The following PRRC2B variants were observed in gnomAD, a reference collection of about 807,000 sequenced individuals.
PRRC2B encodes the protein protein PRRC2B.
Under a neutral mutation model 242.3 loss-of-function variants are expected in PRRC2B, and 68 were observed. The ratio of observed to expected loss-of-function variants is 0.28; its 90% CI spans 0.23 to 0.34. PRRC2B has a LOEUF of 0.34. Among genes scored for constraint, PRRC2B ranks in the 10% least tolerant of loss-of-function variants. PRRC2B has a pLI of 1.00. For missense variants in PRRC2B, 2,835 were observed against 2,954.8 expected, an observed-to-expected ratio of 0.96 and a Z score of 0.94; for synonymous variants, 1,228 against 1,173.6, an observed-to-expected ratio of 1.05 and a Z score of -0.95.
chr9:131,396,325 CTT>C (rs1165485887), intron 1 of PRRC2B, among the ~76,000 whole-genome samples: 6 of 132,930 alleles, frequency 4.5e-5, no homozygotes, highest in African/African-American at 8.9e-5. Flanking sequence ...CTTTTCTTTT[CTT>C]TTTTTTTTTT....
chr9:131,379,996 ATT>A (rs367676624), intron 1 of PRRC2B, among the ~76,000 whole-genome samples: 11 of 124,800 alleles, frequency 8.8e-5, no homozygotes, highest in African/African-American at 3.2e-4. Flanking sequence ...ATATATAATA[ATT>A]TTTTTTTTTT....
chr9:131,482,714 C>T lies in PRRC2B; in HGVS notation c.5180C>T (p.Ser1727Leu). 2 of 1,568,492 alleles carry T rather than the reference C, an allele frequency of 1.3e-6. No individual in the cohort carries two copies. Among genetic ancestry groups the T allele is most frequent in the Non-Finnish European group, 1.7e-6 (2 of 1,158,694 alleles). The part of the protein sequence containing the change: ...QAPKPSEQKD[S>L]EQGSGQSKEH... ...CCTCTCTGCTTTTTTATCAAGGATTCAGAACAAGGCTCTGGACAGAGCAAG... is the reference window on the plus strand; with the variant it reads ...CCTCTCTGCTTTTTTATCAAGGATTTAGAACAAGGCTCTGGACAGAGCAAG... The change falls in exon 22 of 32, where the codon TCA becomes TTA. Residue 1727 changes from serine to leucine, a missense_variant. Ser to Leu is a moderately radical substitution (Grantham distance 145). Transcript: ENST00000683519. The surrounding 1 kb of genome is among the most constrained non-coding windows in gnomAD (Gnocchi z 5.2).
At chr9:131,493,642 T>C (rs1213447378) in intron 30 of PRRC2B, among the ~76,000 whole-genome samples, 1 of 152,068 alleles carries the variant, frequency 6.6e-6, no homozygotes, top group African/African-American at 2.4e-5. Context: ...TTTAGGGGGG[T>C]TGGGGAAATT....
chr9:131,394,559 C>T (rs1201927841), intron 1 of PRRC2B, among the ~76,000 whole-genome samples: 3 of 149,864 alleles, frequency 2.0e-5, no homozygotes, highest in Admixed American at 6.6e-5. Context: ...CGCGCGACTC[C>T]CTCAGGGCTC....
rs7874882 is a variant in PRRC2B, at chr9:131,476,044, A to T, written c.3915A>T (p.Pro1305=). 1 of 1,605,652 alleles carries T rather than the reference A, an allele frequency of 6.2e-7. No individual in the cohort carries two copies. Among genetic ancestry groups the T allele is most frequent in the South Asian group, 1.1e-5 (1 of 90,812 alleles). Residue 1305 remains proline (P), a synonymous_variant, in exon 16 of 32, where the codon CCA becomes CCT. Transcript: ENST00000683519. ...ENRPFRRRRP[P]RQDKPPRFRR... The stretch of plus-strand genomic sequence containing the variant: ...GGCCCTTCAGGAGAAGGCGCCCCCC[A>T]CGCCAAGATAAGCCCCCTCGATTCC...
chr9:131,393,405 TAA>T (rs1247392823), upstream of PRRC2B, among the ~76,000 whole-genome samples: 2 of 151,870 alleles, frequency 1.3e-5, no homozygotes, highest in African/African-American at 2.4e-5. Flanking sequence ...ACCACGGAGG[TAA>T]CCAAGACAGG....
chr9:131,379,971 A>G (rs72770772), intron 1 of PRRC2B, among the ~76,000 whole-genome samples: 2,868 of 146,676 alleles, frequency 0.02, 24 homozygotes, highest in Non-Finnish European at 0.033. Context: ...CTTGAGTTGT[A>G]AGAGTTATTT....
chr9:131,471,087 C>T (rs1943533287), intron 14 of PRRC2B, 104 bp downstream of exon 14: 2 of 777,140 alleles, frequency 2.6e-6, no homozygotes, highest in South Asian at 1.9e-5. Flanking sequence ...TTTGGTCTGG[C>T]TCTTTGTCAA....
chr9:131,430,406 C>T, intron 2 of PRRC2B, 147 bp downstream of exon 2: 1 of 556,198 alleles, frequency 1.8e-6, no homozygotes, highest in African/African-American at 1.9e-5. Flanking sequence ...CTACTTCCTA[C>T]TTGAGGTATG....
At chr9:131,443,851 G>C (rs1468771590) in intron 5 of PRRC2B, among the ~76,000 whole-genome samples, 1 of 152,212 alleles carries the variant, frequency 6.6e-6, no homozygotes, top group Non-Finnish European at 1.5e-5. Context: ...TTTTATAGGA[G>C]GCTGTGCTTG....
intron 12 of PRRC2B, among the ~76,000 whole-genome samples, chr9:131,466,115 T>C (rs1374282829): frequency 6.6e-6 from 1 of 152,268 alleles, no homozygotes; most frequent in African/African-American, 2.4e-5. Context: ...AGCTGTTTTC[T>C]TTATAATTTT....
rs571367891 is a variant in PRRC2B, at chr9:131,476,088, G to A, written c.3959G>A (p.Arg1320Gln). 22 of 1,608,600 alleles carry A rather than the reference G, an allele frequency of 1.4e-5. No individual in the cohort carries two copies. Among genetic ancestry groups the A allele is most frequent in the South Asian group, 7.7e-5 (7 of 90,946 alleles). ...PPRFRRLRQE[R>Q]ESLGLWGPEE... ...CGATTCCGGCGCCTCCGGCAAGAGC[G>A]GGAGTCCCTGGGCCTGTGGGGACCC... The change falls in exon 16 of 32, where the codon CGG becomes CAG. Residue 1320 changes from arginine to glutamine, a missense_variant. Physicochemically the swap from Arg to Gln is conservative, Grantham distance 43. Transcript: ENST00000683519.
chr9:131,444,211 T>C lies in PRRC2B; in HGVS notation c.496T>C (p.Ser166Pro), dbSNP rs180921892. 8.1e-6 allele frequency: 13 copies of C among 1,614,010 alleles called. No individual in the cohort carries two copies. The highest frequency in any genetic ancestry group is 4.5e-5 in the East Asian group (2 of 44,886). Residue 166 changes from serine (S) to proline (P), a missense_variant, in exon 6 of 32, where the codon TCC becomes CCC. Physicochemically the swap from Ser to Pro is moderately conservative, Grantham distance 74. Transcript: ENST00000683519. ...GGLRGSSRLL[S>P]FSPEEFPTLK... ...TTTAAGGGGCTCAAGCCGACTGTTA[T>C]CCTTCTCTCCCGAGGAATTTCCGAC... is the stretch of plus-strand genomic sequence containing the variant.
rs184100576 is a variant in PRRC2B at position 131,470,835 on chromosome 9, G to A, written c.1959G>A (p.Pro653=). 149 of 1,545,900 alleles carry A rather than the reference G, an allele frequency of 9.6e-5. 1 individual carries two copies. In the East Asian group the frequency reaches 1.7e-3, roughly 18 times the overall value. Residue 653 remains proline (P), a synonymous_variant, in exon 14 of 32, where the codon CCG becomes CCA. Coordinates refer to ENST00000683519, the MANE Select transcript of PRRC2B (RefSeq NM_013318.4). ...ACTGGCAGCCGGTGTACCCCCCGCC[G>A]TCCCACCCCCAGCGCACCTTTTACC... ...MQHWQPVYPP[P]SHPQRTFYPH...
chr9:131,398,309 C>T (rs1037996177), intron 1 of PRRC2B, among the ~76,000 whole-genome samples: 1 of 152,226 alleles, frequency 6.6e-6, no homozygotes, highest in Admixed American at 6.5e-5. Flanking sequence ...GAGCTTTGTT[C>T]TCAGCTGTAC....
upstream of PRRC2B, among the ~76,000 whole-genome samples, chr9:131,392,298 C>T (rs1836912274): frequency 6.6e-6 from 1 of 151,770 alleles, no homozygotes; most frequent in African/African-American, 2.4e-5. Flanking sequence ...GGGGTTTCAC[C>T]ATATTGGTCA....
In PRRC2B at chr9:131,461,558, T is replaced by C. The variant is rs952871200; in HGVS notation, c.1404+2202T>C. Among the ~76,000 whole-genome samples the C allele has an allele frequency of 3.3e-5, 5 of 152,218 alleles. 1 individual carries two copies. The highest frequency in any genetic ancestry group is 1.3e-4 in the Admixed American group (2 of 15,286). On this transcript the variant is annotated intron_variant, in intron 11 of 31. Transcript: ENST00000683519. ...CTTTGCTATTTATTTATTATTGTTT[T>C]TGGAGATGGAGTCTCACTCTGTCGC...
At position 131,496,048 on chromosome 9, in the gene PRRC2B, G is replaced by C; in HGVS notation, c.*174G>C. 1 of 843,102 alleles carries C rather than the reference G, an allele frequency of 1.2e-6. No homozygotes were observed. Among genetic ancestry groups the C allele is most frequent in the East Asian group, 2.7e-5 (1 of 37,016 alleles). 52.2% of individuals were successfully genotyped at this position (843,102 alleles called of 1,614,324 possible). ...CTCCGTTGTCAACCAGCTTGCACCCGTGGATATATGGCATTGACCCGCTTG... is the reference window on the plus strand; with the variant it reads ...CTCCGTTGTCAACCAGCTTGCACCCCTGGATATATGGCATTGACCCGCTTG... On this transcript the variant is annotated 3_prime_UTR_variant, in exon 32 of 32. Coordinates refer to ENST00000683519, the MANE Select transcript of PRRC2B (RefSeq NM_013318.4).
intron 2 of PRRC2B, among the ~76,000 whole-genome samples, chr9:131,430,556 T>C (rs1174819865): frequency 2.1e-5 from 2 of 97,028 alleles, no homozygotes; most frequent in African/African-American, 7.7e-5. Flanking sequence ...TATAGGTGTG[T>C]GTGTATGTGT....
Sources: allele counts gnomAD v4.1 joint callset (sites outside exome capture counted in the v4.1 genomes callset), GRCh38; gene constraint gnomAD v4.1.1; non-coding constraint Gnocchi (gnomAD v3.1); transcripts MANE v1.5; gene names NCBI Gene and HGNC (gene_info 2026-07-23, HGNC 2026-07-21).